Variants in LMNB2 observed in about 807,000 individuals in gnomAD.
LMNB2 encodes lamin-B2.
LMNB2 carries 17 observed loss-of-function variants against 69.3 expected under a neutral mutation model. That is an observed-to-expected ratio of 0.25 (90% CI 0.17 to 0.37). The LOEUF (loss-of-function observed/expected upper bound fraction) is 0.37, where lower values mean the gene tolerates loss of function less well. Ranked by LOEUF, LMNB2 falls within the 10% of genes least tolerant of loss-of-function variation. The pLI is 1.00. For missense variants in LMNB2, 789 were observed against 883.6 expected (o/e 0.89, Z 1.36); for synonymous variants, 397 against 389.3 (o/e 1.02, Z -0.23).
In LMNB2 at chr19:2,435,130, C is replaced by T. The variant is rs2145449438; in HGVS notation, c.726G>A (p.Val242=). 3 of 1,606,854 alleles carry T rather than the reference C, an allele frequency of 1.9e-6. No homozygotes were observed. The highest frequency in any genetic ancestry group is 1.1e-5 in the South Asian group (1 of 91,064). Residue 242 remains valine (V), a synonymous_variant, in exon 5 of 12, where the codon GTG becomes GTA. Coordinates refer to ENST00000325327, the MANE Select transcript of LMNB2 (RefSeq NM_032737.4). ...ETRRRHERRL[V]EVDSSRQQEY... ...CCTGCTGCCGGCTGCTGTCCACCTC[C>T]ACCAGGCGCCGCTCGTGCCGCCGCC...
At chr19:2,456,267 C>T (rs1394852606) in intron 1 of LMNB2, among the ~76,000 whole-genome samples, 1 of 150,128 alleles carries the variant, frequency 6.7e-6, no homozygotes, top group East Asian at 2.0e-4. Context: ...GAGCAGCACC[C>T]CTCACTCAGA....
intron 1 of LMNB2, among the ~76,000 whole-genome samples, chr19:2,444,809 C>A (rs568982370): frequency 1.3e-5 from 2 of 152,314 alleles, no homozygotes; most frequent in East Asian, 3.9e-4. Context: ...TCTGCTGCGG[C>A]CCCCTCTGGA....
intron 1 of LMNB2, among the ~76,000 whole-genome samples, chr19:2,451,268 G>A (rs4806851): frequency 0.2 from 30,260 of 152,086 alleles, 2,998 homozygotes; most frequent in Middle Eastern, 0.26. Flanking sequence ...AAGGCCAGGG[G>A]GGAAGATGAA....
intron 1 of LMNB2, among the ~76,000 whole-genome samples, chr19:2,444,968 G>T (rs1052984808): frequency 1.3e-5 from 2 of 152,230 alleles, no homozygotes; most frequent in Non-Finnish European, 2.9e-5. Flanking sequence ...CAGCCCCTTG[G>T]CCGCTGTCAT....
intron 2 of LMNB2, among the ~76,000 whole-genome samples, chr19:2,440,347 C>A (rs1398670813): frequency 2.0e-5 from 3 of 151,622 alleles, no homozygotes; most frequent in Non-Finnish European, 4.4e-5. Flanking sequence ...AGTGCCAGCA[C>A]GCCCAGATAA....
At position 2,435,117 on chromosome 19, in the gene LMNB2, T is replaced by G. The variant is rs149762712; in HGVS notation, c.739A>C (p.Ser247Arg). 133 of 1,608,348 alleles carry G rather than the reference T, an allele frequency of 8.3e-5. No individual in the cohort carries two copies. The highest frequency in any genetic ancestry group is 1.1e-4 in the Non-Finnish European group (133 of 1,179,748). Reference protein sequence around the residue: ...HERRLVEVDSSRQQEYDFKMA... With the variant: ...HERRLVEVDSRRQQEYDFKMA... Reference sequence around the variant, plus strand: ...TTGAAGTCGTACTCCTGCTGCCGGCTGCTGTCCACCTCCACCAGGCGCCGC... The same window carrying G: ...TTGAAGTCGTACTCCTGCTGCCGGCGGCTGTCCACCTCCACCAGGCGCCGC... The change falls in exon 5 of 12, where the codon AGC becomes CGC. Residue 247 changes from serine (S) to arginine (R), a missense_variant. By Grantham distance (110) the Ser-to-Arg change is moderately radical (BLOSUM62 -1). Transcript: ENST00000325327.
chr19:2,434,544 G>A (rs1599331985), intron 6 of LMNB2, 29 bp from the exon 7 acceptor site: 1 of 1,604,590 alleles, frequency 6.2e-7, no homozygotes, highest in Non-Finnish European at 8.5e-7. Flanking sequence ...GCGAAGGTCA[G>A]GGCAGCCCAT....
chr19:2,437,599 G>A (rs1012110123), intron 4 of LMNB2, among the ~76,000 whole-genome samples: 6 of 152,132 alleles, frequency 3.9e-5, no homozygotes, highest in African/African-American at 1.4e-4. Context: ...TCAGGAGTTC[G>A]AGACCAGCCT....
At chr19:2,448,097 C>T (rs1409333504) in intron 1 of LMNB2, among the ~76,000 whole-genome samples, 10 of 152,204 alleles carry the variant, frequency 6.6e-5, no homozygotes, top group East Asian at 5.8e-4. Flanking sequence ...CGCGGCACCC[C>T]GGCCACCCCC....
At chr19:2,452,191 C>G (rs918668832) in intron 1 of LMNB2, among the ~76,000 whole-genome samples, 4 of 152,166 alleles carry the variant, frequency 2.6e-5, no homozygotes, top group Non-Finnish European at 4.4e-5. Flanking sequence ...AAGACACCCC[C>G]TAGTGTCACA....
chr19:2,454,420 A>ACCC (rs958565658), intron 1 of LMNB2, among the ~76,000 whole-genome samples: 3 of 152,004 alleles, frequency 2.0e-5, no homozygotes, highest in Admixed American at 6.6e-5. Context: ...TGTGAAAACA[A>ACCC]CCCACAGGGA....
At chr19:2,439,035 CTTTTT>C (rs397945879) in intron 2 of LMNB2, among the ~76,000 whole-genome samples, 129 of 65,704 alleles carry the variant, frequency 2.0e-3, no homozygotes, top group African/African-American at 7.8e-3. Flanking sequence ...GGCACTTAAG[CTTTTT>C]TTTTTTTTTT....
rs1165937493 is a variant in LMNB2 at position 2,430,108 on chromosome 19, C to T, written c.*803G>A. 2.0e-5 allele frequency: 3 copies of T among 153,468 alleles called. No homozygotes were observed. Among genetic ancestry groups the T allele is most frequent in the African/African-American group, 7.2e-5 (3 of 41,572 alleles). 9.5% of individuals were successfully genotyped at this position (153,468 alleles called of 1,614,324 possible). ...GCTGTTCTGAAACTCACAGCTTCTG[C>T]CTCCAAGGCAACCAGATGTGTCCCC... On this transcript the variant is annotated 3_prime_UTR_variant, in exon 12 of 12. Coordinates refer to ENST00000325327, the MANE Select transcript of LMNB2 (RefSeq NM_032737.4).
rs138467082 is a variant in LMNB2 at position 2,434,076 on chromosome 19, C to T, written c.1232G>A (p.Arg411His). The change falls in exon 8 of 12, where the codon CGC becomes CAC. Residue 411 changes from arginine to histidine, a missense_variant. By Grantham distance (29) the Arg-to-His change is conservative (BLOSUM62 0). This residue lies in a region of LMNB2 where 609 missense variants were observed against 630.9 expected (regional missense o/e 0.97). Transcript: ENST00000325327. Reference sequence around the variant, plus strand: ...CGAGGTGGCTCGTGAGACGGTGACGCGCGAGGATGGGCTGGGGGACAGCTT... The same window carrying T: ...CGAGGTGGCTCGTGAGACGGTGACGTGCGAGGATGGGCTGGGGGACAGCTT... ...RLKLSPSPSSRVTVSRATSSS... is the reference protein window; with the variant it reads ...RLKLSPSPSSHVTVSRATSSS... The T allele has an allele frequency of 8.5e-5, 135 of 1,594,360 alleles. No individual in the cohort carries two copies. In the African/African-American group the frequency reaches 9.0e-4, roughly 11 times the overall value.
rs777618605 is a variant in LMNB2 at position 2,438,151 on chromosome 19, C to T, written c.684+12G>A. 1.2e-6 allele frequency: 2 copies of T among 1,613,636 alleles called. No individual in the cohort carries two copies. The highest frequency in any genetic ancestry group is 2.2e-5 in the South Asian group (2 of 91,084). On this transcript the variant is annotated intron_variant, in intron 4 of 11. Transcript: ENST00000325327. ...CCGCTGTGCCAGGCTGGAGGCCAGGCCACTCACTCACCTCCTCGAACACAC... is the reference window on the plus strand; with the variant it reads ...CCGCTGTGCCAGGCTGGAGGCCAGGTCACTCACTCACCTCCTCGAACACAC...
In LMNB2 at chr19:2,438,149, G is replaced by A. The variant is rs756125636; in HGVS notation, c.684+14C>T. On this transcript the variant is annotated intron_variant, in intron 4 of 11. Coordinates refer to ENST00000325327, the MANE Select transcript of LMNB2 (RefSeq NM_032737.4). ...TTCCGCTGTGCCAGGCTGGAGGCCA[G>A]GCCACTCACTCACCTCCTCGAACAC... is the stretch of plus-strand genomic sequence containing the variant. 1.1e-4 allele frequency: 170 copies of A among 1,613,460 alleles called. No individual in the cohort carries two copies. The highest frequency in any genetic ancestry group is 1.4e-4 in the Non-Finnish European group (165 of 1,180,042).
intron 1 of LMNB2, among the ~76,000 whole-genome samples, chr19:2,448,578 G>T (rs899433686): frequency 6.6e-5 from 10 of 152,180 alleles, no homozygotes; most frequent in African/African-American, 7.2e-5. Flanking sequence ...CCTGGCATGG[G>T]GGCTCACCCC....
rs549377503 is a variant in LMNB2 at position 2,430,587 on chromosome 19, C to T, written c.*324G>A. 40 of 445,392 alleles carry T rather than the reference C, an allele frequency of 9.0e-5. 1 individual carries two copies. The highest frequency in any genetic ancestry group is 5.9e-4 in the South Asian group (28 of 47,598). 27.6% of individuals were successfully genotyped at this position (445,392 alleles called of 1,614,324 possible). On this transcript the variant is annotated 3_prime_UTR_variant, in exon 12 of 12. Coordinates refer to ENST00000325327, the MANE Select transcript of LMNB2 (RefSeq NM_032737.4). Reference sequence around the variant, plus strand: ...GCAGCAGGGCCGTCTCCTGTCCCCTCGCTAGCCTCGCCGGCCCTCCTCCCT... The same window carrying T: ...GCAGCAGGGCCGTCTCCTGTCCCCTTGCTAGCCTCGCCGGCCCTCCTCCCT...
chr19:2,434,171 T>C, intron 7 of LMNB2, 66 bp from the exon 8 acceptor site: 1 of 1,545,100 alleles, frequency 6.5e-7, no homozygotes, highest in Non-Finnish European at 8.7e-7. Flanking sequence ...GCACGCAGAG[T>C]GGCGGCCACG....
Sources: allele counts gnomAD v4.1 joint callset (sites outside exome capture counted in the v4.1 genomes callset), GRCh38; gene constraint gnomAD v4.1.1; regional missense constraint gnomAD v4.1.1; transcripts MANE v1.5; gene names NCBI Gene and HGNC (gene_info 2026-07-23, HGNC 2026-07-21).